Variants in PRKCH observed in about 807,000 individuals in gnomAD.
PRKCH encodes the protein protein kinase C eta type.
PRKCH carries 28 observed loss-of-function variants against 82.5 expected under a neutral mutation model. The ratio of observed to expected loss-of-function variants is 0.34; its 90% CI spans 0.25 to 0.47. The LOEUF (loss-of-function observed/expected upper bound fraction) is 0.47, where lower values mean the gene tolerates loss of function less well. PRKCH is among the 20% of genes least tolerant of loss of function. The pLI, the probability that PRKCH is intolerant of heterozygous loss-of-function variation, is 1.00. For synonymous variants in PRKCH, 322 were observed against 327.4 expected, an observed-to-expected ratio of 0.98 and a Z score of 0.18; for missense variants, 705 against 881.8, an observed-to-expected ratio of 0.80 and a Z score of 2.54.
At chr14:61,259,449 A>C (rs535878633) in intron 1 of PRKCH, among the ~76,000 whole-genome samples, 4 of 152,356 alleles carry the variant, frequency 2.6e-5, no homozygotes, top group African/African-American at 9.6e-5. Context: ...TAAGAGTAAG[A>C]GTGGAAGAGA....
Position 61,322,413 on chromosome 14 carries a change from G to A in PRKCH, c.312G>A (p.Gln104=), listed in dbSNP as rs2045638584. 1.2e-6 allele frequency: 2 copies of A among 1,604,318 alleles called. No homozygotes were observed. The highest frequency in any genetic ancestry group is 1.1e-5 in the South Asian group (1 of 90,962). Residue 104 remains glutamine, a synonymous_variant, in exon 1 of 14, where the codon CAG becomes CAA. Transcript: ENST00000332981. ...ACTTCGTGGCCAACTGCACCCTGCAGTTCCAGGAGCTGCTGCGCACGACCG... is the reference window on the plus strand; with the variant it reads ...ACTTCGTGGCCAACTGCACCCTGCAATTCCAGGAGCTGCTGCGCACGACCG... The part of the protein sequence containing the change: ...YDHFVANCTL[Q]FQELLRTTGA...
At chr14:61,198,981 C>T (rs2044460158) in intron 1 of PRKCH, among the ~76,000 whole-genome samples, 1 of 152,074 alleles carries the variant, frequency 6.6e-6, no homozygotes, top group Admixed American at 6.6e-5. Flanking sequence ...GCTTGCAAGG[C>T]TGAGGGATGG....
intron 1 of PRKCH, among the ~76,000 whole-genome samples, chr14:61,225,488 A>G (rs553672990): frequency 9.2e-5 from 14 of 152,294 alleles, no homozygotes; most frequent in African/African-American, 3.4e-4. Flanking sequence ...TGTGCTGTGA[A>G]GACACTGAGC....
chr14:61,393,232 T>TTATTTTAGC (rs1307320722), intron 2 of PRKCH, among the ~76,000 whole-genome samples: 6 of 152,196 alleles, frequency 3.9e-5, no homozygotes, highest in Admixed American at 3.9e-4. Flanking sequence ...ATGTTTAAGG[T>TTATTTTAGC]TATTTTAGCT....
chr14:61,504,441 C>T (rs1322706917), intron 10 of PRKCH, among the ~76,000 whole-genome samples: 4 of 152,272 alleles, frequency 2.6e-5, no homozygotes, highest in East Asian at 3.9e-4. Context: ...CTACTCACCT[C>T]GGCCTCCCAA....
chr14:61,239,222 C>T (rs916730379), intron 1 of PRKCH, among the ~76,000 whole-genome samples: 1 of 152,136 alleles, frequency 6.6e-6, no homozygotes, highest in African/African-American at 2.4e-5. Context: ...GATACTGCCC[C>T]TAAATTAGTT....
Position 61,478,746 on chromosome 14 carries a change from GC to G in PRKCH, c.1279-6754del, listed in dbSNP as rs575179788. Among the ~76,000 whole-genome samples, 274 of 152,178 alleles carry G rather than the reference GC, an allele frequency of 1.8e-3. 1 individual carries two copies. The highest frequency in any genetic ancestry group is 6.1e-3 in the African/African-American group (255 of 41,500). ...GTGGTGGCACAAACCTGTGGTCCCA[GC>G]CGCACAGGAGGCTGAGGTTGGAAGG... On this transcript the variant is annotated intron_variant, in intron 9 of 13. Transcript: ENST00000332981.
chr14:61,257,607 ACACACACACACACACACACACACCCC>A (rs1175721810), intron 1 of PRKCH, among the ~76,000 whole-genome samples: 2 of 46,616 alleles, frequency 4.3e-5, no homozygotes, highest in African/African-American at 1.5e-4. Flanking sequence ...ACACACAGAC[ACACACACACACACACACACACACCCC>A]CACACACACA....
At chr14:61,392,243 G>T (rs982934180) in intron 2 of PRKCH, among the ~76,000 whole-genome samples, 2 of 151,844 alleles carry the variant, frequency 1.3e-5, no homozygotes, top group East Asian at 3.9e-4. Flanking sequence ...AATTTTTCTG[G>T]ACATAACACT....
intron 10 of PRKCH, among the ~76,000 whole-genome samples, chr14:61,509,613 G>C (rs939490823): frequency 2.6e-5 from 4 of 152,148 alleles, no homozygotes; most frequent in African/African-American, 9.7e-5. Context: ...GGCTGGGTGT[G>C]GTGGCTCACG....
Position 61,280,731 on chromosome 14 carries a change from C to T in PRKCH, c.-19+93063C>T. On this transcript the variant is annotated intron_variant, in intron 1 of 3. Transcript: ENST00000555185. The surrounding 1 kb of genome is among the most constrained non-coding windows in gnomAD (Gnocchi z 5.0). Reference sequence around the variant, plus strand: ...CGCACTCGTTGACAGGGTGGCGCAGCGCGCTGGGGAGTCCGCTCAGCTGCG... The same window carrying T: ...CGCACTCGTTGACAGGGTGGCGCAGTGCGCTGGGGAGTCCGCTCAGCTGCG... The T allele has an allele frequency of 6.4e-7, 1 of 1,574,396 alleles. No individual in the cohort carries two copies. The highest frequency in any genetic ancestry group is 8.6e-7 in the Non-Finnish European group (1 of 1,165,270).
chr14:61,431,805 A>G lies in PRKCH; in HGVS notation c.428-11306A>G, dbSNP rs183487282. ...CAATCACTTCTTTTTATTTCTAGCA[A>G]TTCTTTCTTTTACAGTGTATTTTAT... On this transcript the variant is annotated intron_variant, in intron 2 of 13. Coordinates refer to ENST00000332981, the MANE Select transcript of PRKCH (RefSeq NM_006255.5). Among the ~76,000 whole-genome samples, 5 of 152,238 alleles carry G rather than the reference A, an allele frequency of 3.3e-5. No individual in the cohort carries two copies. The East Asian group carries it at 5.8e-4, about 18-fold the overall frequency.
chr14:61,529,318 T>G, intron 11 of PRKCH, 105 bp downstream of exon 11: 8 of 1,407,464 alleles, frequency 5.7e-6, no homozygotes, highest in Non-Finnish European at 7.6e-6. Flanking sequence ...GAGGCAGCAT[T>G]GAAAGGTGTC....
chr14:61,299,720 T>C (rs563632755), intron 1 of PRKCH: 2 of 152,140 alleles, frequency 1.3e-5, no homozygotes, highest in African/African-American at 2.4e-5. Context: ...GGTTTTCAAC[T>C]CTACTTTCAT....
rs575275311 is a variant in PRKCH, at chr14:61,523,315, A to T, written c.1434-5760A>T. 2.0e-5 allele frequency among the ~76,000 whole-genome samples: 3 copies of T among 152,380 alleles called. No individual in the cohort carries two copies. The South Asian group carries it at 6.2e-4, about 32-fold the overall frequency. On this transcript the variant is annotated intron_variant, in intron 10 of 13. Coordinates refer to ENST00000332981, the MANE Select transcript of PRKCH (RefSeq NM_006255.5). Reference sequence around the variant, plus strand: ...CATTTCATAGTAATATGCATAAAACATCCCTCTATCATAGTGCCATCTTAG... The same window carrying T: ...CATTTCATAGTAATATGCATAAAACTTCCCTCTATCATAGTGCCATCTTAG...
chr14:61,517,911 C>T (rs2042850545), intron 10 of PRKCH, among the ~76,000 whole-genome samples: 2 of 152,210 alleles, frequency 1.3e-5, no homozygotes, highest in Non-Finnish European at 2.9e-5. Context: ...CAGAATCTGC[C>T]ATGGCTCTTT....
At chr14:61,312,318 A>G (rs112421014) in intron 1 of PRKCH, among the ~76,000 whole-genome samples, 8,947 of 152,204 alleles carry the variant, frequency 0.059, 480 homozygotes, top group African/African-American at 0.14. Flanking sequence ...TGTATTTTTA[A>G]TAGAGATGGA....
chr14:61,465,944 T>TG (rs1885237223), intron 9 of PRKCH, among the ~76,000 whole-genome samples: 2 of 152,280 alleles, frequency 1.3e-5, no homozygotes, highest in South Asian at 4.1e-4. Flanking sequence ...AATGGAAAAG[T>TG]GAGACACTGA....
intron 12 of PRKCH, among the ~76,000 whole-genome samples, chr14:61,537,184 C>T (rs1088670): frequency 0.74 from 112,665 of 152,090 alleles, 43,888 homozygotes; most frequent in Non-Finnish European, 0.88. Context: ...AATGTTTCTG[C>T]TCAATACTTA....
Sources: gnomAD v4.1 joint callset for allele counts (sites outside exome capture counted in the v4.1 genomes callset) on GRCh38, gnomAD v4.1.1 for gene constraint, Gnocchi (gnomAD v3.1) non-coding constraint, MANE v1.5 for transcripts, NCBI Gene and HGNC (gene_info 2026-07-23, HGNC 2026-07-21) for gene names.